The following XRRA1 variants were observed in gnomAD, a reference collection of about 807,000 sequenced individuals.
The protein encoded by XRRA1 is X-ray radiation resistance-associated protein 1.
In XRRA1, 69 loss-of-function variants were observed where a neutral mutation model predicts 80.2. The ratio of observed to expected loss-of-function variants is 0.86; its 90% CI spans 0.71 to 1.05. XRRA1 has a LOEUF of 1.05. Among genes scored for constraint, XRRA1 ranks in the 50% least tolerant of loss-of-function variants. The probability of loss-of-function intolerance (pLI) is 0.00; values close to 1 mark genes in which losing one functional copy is unlikely to be tolerated. For synonymous variants in XRRA1, 348 were observed against 389.9 expected, an observed-to-expected ratio of 0.89 and a Z score of 1.27; for missense variants, 967 against 976.4, an observed-to-expected ratio of 0.99 and a Z score of 0.13.
chr11:74,859,316 C>T (rs1271996018), intron 11 of XRRA1, 33 bp from the exon 12 acceptor site: 4 of 1,582,332 alleles, frequency 2.5e-6, no homozygotes, highest in Non-Finnish European at 2.6e-6. Context: ...AATCAAAGTG[C>T]CCGATAATAA....
intron 10 of XRRA1, among the ~76,000 whole-genome samples, chr11:74,879,238 A>G (rs1328986689): frequency 1.3e-5 from 2 of 150,164 alleles, no homozygotes; most frequent in Non-Finnish European, 1.5e-5. Flanking sequence ...TGTGAATGGG[A>G]GTTCACTCAT....
At chr11:74,905,502 T>C (rs933135236) in intron 10 of XRRA1, among the ~76,000 whole-genome samples, 1 of 152,060 alleles carries the variant, frequency 6.6e-6, no homozygotes, top group Non-Finnish European at 1.5e-5. Context: ...AAAGGGAGAC[T>C]GCAAAGCTGG....
chr11:74,892,246 C>T (rs1416061824), intron 10 of XRRA1, among the ~76,000 whole-genome samples: 4 of 152,026 alleles, frequency 2.6e-5, no homozygotes, highest in Admixed American at 6.6e-5. Context: ...TCAGAAATAA[C>T]GCTGCATATC....
intron 10 of XRRA1, among the ~76,000 whole-genome samples, chr11:74,873,491 G>A (rs1266594768): frequency 6.6e-6 from 1 of 152,106 alleles, no homozygotes; most frequent in Non-Finnish European, 1.5e-5. Context: ...GTTTGCCTTC[G>A]AAGATCCCTC....
At position 74,906,420 on chromosome 11, in the gene XRRA1, G is replaced by C. The variant is rs978511751; in HGVS notation, c.822C>G (p.Ile274Met). ...KKLSLDENRI[I>M]RIPYLQQVQL... is the part of the protein sequence containing the mutation. ...GAACTTGCTGTAGGTATGGGATCCT[G>C]ATAATCCTGTTTTCATCCAAGCTTA... The change falls in exon 10 of 19, where the codon ATC becomes ATG. Residue 274 changes from isoleucine (I) to methionine (M), a missense_variant. Coordinates refer to ENST00000684022, the MANE Select transcript of XRRA1 (RefSeq NM_001378157.1). The C allele has an allele frequency of 6.2e-6, 10 of 1,613,830 alleles. No homozygotes were observed. The highest frequency in any genetic ancestry group is 1.3e-5 in the African/African-American group (1 of 74,896).
rs376900849 is a variant in XRRA1, at chr11:74,920,668, T to C, written c.656+546A>G. 4.7e-4 allele frequency among the ~76,000 whole-genome samples: 71 copies of C among 152,344 alleles called. 1 individual carries two copies. The South Asian group carries it at 0.014, about 31-fold the overall frequency. On this transcript the variant is annotated intron_variant, in intron 8 of 18. Transcript: ENST00000684022. ...CTGTTACCAACTAGCTTTGCAACTT[T>C]GGGCAAGTTACTTAAATGTCTGTAC...
At chr11:74,895,433 C>T (rs1470475502) in intron 10 of XRRA1, among the ~76,000 whole-genome samples, 1 of 152,216 alleles carries the variant, frequency 6.6e-6, no homozygotes, top group Non-Finnish European at 1.5e-5. Context: ...GTTTCTTGGC[C>T]AGCCTTGCCA....
rs1565241491 is a variant in XRRA1, at chr11:74,856,365, CAT to C, written c.1170+2791_1170+2792del. ...TACCATTTAAAAACTCAGGTGCAAA[CAT>C]AGAAAAATGGAAAGAGTGCTGCTCC... is the stretch of plus-strand genomic sequence containing the variant. On this transcript the variant is annotated intron_variant, in intron 12 of 18. Transcript: ENST00000684022. Among the ~76,000 whole-genome samples, 3 of 152,114 alleles carry C rather than the reference CAT, an allele frequency of 2.0e-5. No homozygotes were observed. The South Asian group carries it at 6.2e-4, about 31-fold the overall frequency.
chr11:74,844,184 A>G lies in XRRA1; in HGVS notation c.2027T>C (p.Val676Ala). The part of the protein sequence containing the change: ...PKLDTLQKPY[V>A]HKEKRAQRIP... ...GATGTTTACCCGTTTCTCTTTGTGAACATAGGGTTTCTGAAGAGTGTCCAG... is the reference window on the plus strand; with the variant it reads ...GATGTTTACCCGTTTCTCTTTGTGAGCATAGGGTTTCTGAAGAGTGTCCAG... Residue 676 changes from valine (V) to alanine (A), a missense_variant, in exon 17 of 19, where the codon GTT (valine) becomes GCT (alanine). By Grantham distance (64) the Val-to-Ala change is moderately conservative. Transcript: ENST00000684022. The G allele has an allele frequency of 6.2e-7, 1 of 1,613,854 alleles. No homozygotes were observed. The highest frequency in any genetic ancestry group is 1.7e-5 in the Admixed American group (1 of 60,020).
intron 10 of XRRA1, among the ~76,000 whole-genome samples, chr11:74,892,091 C>A (rs1034071450): frequency 1.3e-5 from 2 of 152,062 alleles, no homozygotes; most frequent in Admixed American, 6.6e-5. Context: ...GAGCCCGCAT[C>A]GCCAAGTCAA....
chr11:74,890,561 C>T (rs1225586580), intron 10 of XRRA1, among the ~76,000 whole-genome samples: 11 of 152,128 alleles, frequency 7.2e-5, no homozygotes, highest in Admixed American at 5.9e-4. Flanking sequence ...CAGAGCAGAA[C>T]TGAAGGAAAT....
chr11:74,927,570 C>A, intron 6 of XRRA1, 82 bp from the exon 7 acceptor site: 1 of 972,126 alleles, frequency 1.0e-6, no homozygotes, highest in South Asian at 1.4e-5. Context: ...TTTACTGTGT[C>A]CCTACTGGGT....
At chr11:74,887,669 C>T (rs1441426663) in intron 10 of XRRA1, among the ~76,000 whole-genome samples, 2 of 152,164 alleles carry the variant, frequency 1.3e-5, no homozygotes, top group Non-Finnish European at 2.9e-5. Context: ...ATTCCCTTTC[C>T]TACTCAAAGA....
chr11:74,851,446 G>T (rs554299610), intron 13 of XRRA1, among the ~76,000 whole-genome samples: 1 of 152,172 alleles, frequency 6.6e-6, no homozygotes, highest in Non-Finnish European at 1.5e-5. Flanking sequence ...AATAAAGATA[G>T]TGTGGAGTGA....
chr11:74,880,041 T>C (rs1424948286), intron 10 of XRRA1, among the ~76,000 whole-genome samples: 1 of 152,076 alleles, frequency 6.6e-6, no homozygotes, highest in Non-Finnish European at 1.5e-5. Flanking sequence ...GAAGGAATGG[T>C]ACTAGTTCCT....
intron 2 of XRRA1, among the ~76,000 whole-genome samples, chr11:74,942,955 C>G (rs1318950226): frequency 6.6e-6 from 1 of 152,214 alleles, no homozygotes; most frequent in African/African-American, 2.4e-5. Context: ...CCTGAGAAAG[C>G]AGGAAGAAGG....
chr11:74,863,492 T>C (rs376745337), intron 10 of XRRA1: 5 of 160,226 alleles, frequency 3.1e-5, no homozygotes, highest in African/African-American at 1.2e-4. Flanking sequence ...ATTTCTTATA[T>C]TAGTAGAAAC....
At chr11:74,877,551 C>T (rs1019424088) in intron 10 of XRRA1, among the ~76,000 whole-genome samples, 4 of 151,576 alleles carry the variant, frequency 2.6e-5, no homozygotes, top group African/African-American at 9.7e-5. Flanking sequence ...CATGCTGGTG[C>T]GCTGCACCCA....
In XRRA1 at chr11:74,843,458, A is replaced by G. The variant is rs781474924; in HGVS notation, c.2150-5T>C. 12 of 1,609,866 alleles carry G rather than the reference A, an allele frequency of 7.5e-6. No homozygotes were observed. The highest frequency in any genetic ancestry group is 1.3e-5 in the African/African-American group (1 of 74,978). On this transcript the variant is annotated splice_region_variant and splice_polypyrimidine_tract_variant and intron_variant, in intron 18 of 18. Transcript: ENST00000684022. ...TCCACTGGTGCAGGACAGCACCTGC[A>G]GGAAAAGAAGCCAGGAGAGGCACCA...
Sources: gnomAD v4.1 joint callset for allele counts (sites outside exome capture counted in the v4.1 genomes callset) on GRCh38, gnomAD v4.1.1 for gene constraint, MANE v1.5 for transcripts, NCBI Gene and HGNC (gene_info 2026-07-23, HGNC 2026-07-21) for gene names.